Variants in R3HDM2 observed in about 807,000 individuals in gnomAD.
The protein encoded by R3HDM2 is R3H domain containing 2.
R3HDM2 carries 38 observed loss-of-function variants against 124.5 expected under a neutral mutation model. The ratio of observed to expected loss-of-function variants is 0.31; its 90% CI spans 0.24 to 0.40. The LOEUF (loss-of-function observed/expected upper bound fraction) is 0.40, where lower values mean the gene tolerates loss of function less well. Ranked by LOEUF, R3HDM2 falls within the 10% of genes least tolerant of loss-of-function variation. R3HDM2 has a pLI of 1.00. For missense variants in R3HDM2, 869 were observed against 1,236.9 expected (o/e 0.70, Z 4.46); for synonymous variants, 391 against 448.0 (o/e 0.87, Z 1.61).
chr12:57,311,328 T>C (rs1468649425), intron 2 of R3HDM2, among the ~76,000 whole-genome samples: 1 of 151,924 alleles, frequency 6.6e-6, no homozygotes, highest in Non-Finnish European at 1.5e-5. Flanking sequence ...TGGGTTCACA[T>C]CATTCTCCTG....
At chr12:57,315,037 CT>C (rs528938932) in intron 2 of R3HDM2, among the ~76,000 whole-genome samples, 8,082 of 143,190 alleles carry the variant, frequency 0.056, 615 homozygotes, top group African/African-American at 0.18. Context: ...TTTTCTATTT[CT>C]TTTTTTTTTT....
chr12:57,337,528 A>G (rs1008152290), intron 2 of R3HDM2, among the ~76,000 whole-genome samples: 2 of 152,028 alleles, frequency 1.3e-5, no homozygotes, highest in Non-Finnish European at 2.9e-5. Flanking sequence ...CATAAATTGT[A>G]TTAAAGCATT....
At chr12:57,261,163 A>G (rs2040716417) in intron 19 of R3HDM2, among the ~76,000 whole-genome samples, 1 of 152,146 alleles carries the variant, frequency 6.6e-6, no homozygotes, top group Non-Finnish European at 1.5e-5. Flanking sequence ...TCCCCATCCT[A>G]AGAATCGCTC....
At chr12:57,374,366 C>T (rs185344595) in intron 2 of R3HDM2, among the ~76,000 whole-genome samples, 93 of 151,538 alleles carry the variant, frequency 6.1e-4, no homozygotes, top group Non-Finnish European at 3.5e-4. Context: ...GACAGTCAAT[C>T]ATAAAACTGT....
chr12:57,408,977 ATC>A (rs915539193), intron 1 of R3HDM2, among the ~76,000 whole-genome samples: 8 of 151,942 alleles, frequency 5.3e-5, no homozygotes, highest in African/African-American at 1.7e-4. Flanking sequence ...CTTATTTTGT[ATC>A]TGTTTGTACT....
intron 2 of R3HDM2, among the ~76,000 whole-genome samples, chr12:57,371,850 T>C (rs1039949148): frequency 1.3e-5 from 2 of 152,156 alleles, no homozygotes; most frequent in African/African-American, 4.8e-5. Context: ...CAACATATCA[T>C]AGATTGTCCT....
chr12:57,286,811 G>A (rs940444179), intron 12 of R3HDM2, among the ~76,000 whole-genome samples: 1 of 152,138 alleles, frequency 6.6e-6, no homozygotes, highest in African/African-American at 2.4e-5. Context: ...CTGGGAGGCG[G>A]AGGTTGCGGT....
chr12:57,425,522 G>A (rs888799629), intron 1 of R3HDM2, among the ~76,000 whole-genome samples: 7 of 152,098 alleles, frequency 4.6e-5, no homozygotes, highest in East Asian at 1.9e-4. Flanking sequence ...ACTTCAGGCC[G>A]GGCGTAGCAG....
In R3HDM2 at chr12:57,303,962, A is replaced by G. The variant is rs144880199; in HGVS notation, c.166-745T>C. Among the ~76,000 whole-genome samples, 696 of 152,190 alleles carry G rather than the reference A, an allele frequency of 4.6e-3. 3 individuals are homozygous for G. Among genetic ancestry groups the G allele is most frequent in the Admixed American group, 4.4e-3 (68 of 15,286 alleles). On this transcript the variant is annotated intron_variant, in intron 3 of 23. Transcript: ENST00000402412. ...CATGAAAGAGTGTTTTTTTCCCCCA[A>G]TCCTGTTCACAGAAGCCTATTTAAT... is the stretch of plus-strand genomic sequence containing the variant.
chr12:57,429,514 G>C (rs957512014), intron 1 of R3HDM2, among the ~76,000 whole-genome samples: 2 of 152,262 alleles, frequency 1.3e-5, no homozygotes, highest in East Asian at 3.9e-4. Flanking sequence ...CTTGAGCCCA[G>C]GAGTTCCAGA....
chr12:57,265,799 GT>G (rs911400072), intron 19 of R3HDM2, among the ~76,000 whole-genome samples: 146 of 138,410 alleles, frequency 1.1e-3, no homozygotes, highest in Non-Finnish European at 1.3e-3. Flanking sequence ...CTCTTGGCTT[GT>G]TTTTTTTTTT....
chr12:57,387,966 A>T (rs776335), intron 2 of R3HDM2, among the ~76,000 whole-genome samples: 48,187 of 151,034 alleles, frequency 0.32, 8,271 homozygotes, highest in East Asian at 0.63. Flanking sequence ...GACAAAAAAA[A>T]TTTTTTTTTT....
At chr12:57,373,045 A>G (rs2063567814) in intron 2 of R3HDM2, among the ~76,000 whole-genome samples, 1 of 152,178 alleles carries the variant, frequency 6.6e-6, no homozygotes, top group Admixed American at 6.5e-5. Context: ...CCCCATCTCT[A>G]CAAAAAATTA....
At chr12:57,361,048 C>CAAAAAAAAA (rs35437591) in intron 2 of R3HDM2, among the ~76,000 whole-genome samples, 4 of 60,036 alleles carry the variant, frequency 6.7e-5, no homozygotes, top group Non-Finnish European at 1.1e-4. Context: ...AGACACGTCT[C>CAAAAAAAAA]AAAAAAAAAA....
intron 1 of R3HDM2, chr12:57,430,494 C>T: frequency 1.1e-6 from 1 of 941,270 alleles, no homozygotes; most frequent in Non-Finnish European, 1.3e-6. Context: ...CCCCTGCCCC[C>T]GCACCGCCGC....
At chr12:57,364,746 A>T (rs1054584535) in intron 2 of R3HDM2, among the ~76,000 whole-genome samples, 3 of 149,518 alleles carry the variant, frequency 2.0e-5, no homozygotes, top group Non-Finnish European at 3.0e-5. Context: ...TGAGGTCAGG[A>T]GTTCGAGACC....
chr12:57,376,437 T>A (rs2064084613), intron 2 of R3HDM2, among the ~76,000 whole-genome samples: 1 of 152,174 alleles, frequency 6.6e-6, no homozygotes, highest in Non-Finnish European at 1.5e-5. Context: ...TTGTAGGATA[T>A]CCCTGAACCA....
At chr12:57,311,239 A>T (rs996580047) in intron 2 of R3HDM2, among the ~76,000 whole-genome samples, 3 of 151,726 alleles carry the variant, frequency 2.0e-5, no homozygotes, top group Admixed American at 1.3e-4. Flanking sequence ...ATATATATAT[A>T]TTTTGAGATG....
chr12:57,352,415 A>G (rs769708735), intron 2 of R3HDM2, among the ~76,000 whole-genome samples: 1 of 152,020 alleles, frequency 6.6e-6, no homozygotes, highest in African/African-American at 2.4e-5. Flanking sequence ...TTTAAATTCA[A>G]TTCAATTCCA....
Sources: allele counts gnomAD v4.1 joint callset (sites outside exome capture counted in the v4.1 genomes callset), GRCh38; gene constraint gnomAD v4.1.1; transcripts MANE v1.5; gene names NCBI Gene and HGNC (gene_info 2026-07-23, HGNC 2026-07-21).